CCND3: variants seen among roughly 807,000 people sequenced by gnomAD.
CCND3 encodes the protein cyclin D3, also known as G1/S-specific cyclin-D3.
In CCND3, 9 loss-of-function variants were observed where a neutral mutation model predicts 28.7. That is an observed-to-expected ratio of 0.31 (90% confidence interval 0.19 to 0.55). CCND3 has a LOEUF of 0.55. Ranked by LOEUF, CCND3 falls within the 20% of genes least tolerant of loss-of-function variation. CCND3 has a pLI of 0.93. For synonymous variants in CCND3, 164 were observed against 163.9 expected, an observed-to-expected ratio of 1.00 and a Z score of 0.00; for missense variants, 315 against 385.8, an observed-to-expected ratio of 0.82 and a Z score of 1.54.
chr6:41,937,168 G>T, intron 3 of CCND3, 67 bp downstream of exon 3: 1 of 1,540,738 alleles, frequency 6.5e-7, no homozygotes, highest in South Asian at 1.1e-5. Context: ...AGAATCTTCA[G>T]TTACCTCTCA....
At chr6:42,044,622 A>G (rs1319797460) in intron 1 of CCND3, among the ~76,000 whole-genome samples, 1 of 152,136 alleles carries the variant, frequency 6.6e-6, no homozygotes, top group African/African-American at 2.4e-5. Flanking sequence ...CTAACCCCCT[A>G]CTTCAAGGTT....
chr6:42,038,987 G>A (rs1764299850), intron 1 of CCND3, among the ~76,000 whole-genome samples: 1 of 152,162 alleles, frequency 6.6e-6, no homozygotes, highest in Non-Finnish European at 1.5e-5. Flanking sequence ...TCCTAAATGT[G>A]CATATTTAAC....
At chr6:42,043,941 G>C (rs563732312) in intron 1 of CCND3, among the ~76,000 whole-genome samples, 4 of 152,224 alleles carry the variant, frequency 2.6e-5, no homozygotes, top group Non-Finnish European at 5.9e-5. Flanking sequence ...TAGTTTCAGA[G>C]AGGTGGGGCT....
At position 41,941,524 on chromosome 6, in the gene CCND3, G is replaced by A. The variant is rs1776020195; in HGVS notation, c.126C>T (p.Ala42=). The A allele has an allele frequency of 6.2e-7, 1 of 1,606,040 alleles. No individual in the cohort carries two copies. The highest frequency in any genetic ancestry group is 8.5e-7 in the Non-Finnish European group (1 of 1,178,140). Residue 42 remains alanine (A), a synonymous_variant, in exon 1 of 5, where the codon GCC becomes GCT. Transcript: ENST00000372991. The surrounding 1 kb of genome is among the most constrained non-coding windows in gnomAD (Gnocchi z 6.1). ...CCCGCTGCACGCACTGGAAGTAGGA[G>A]GCGCGGGGTACGTAGCGCTCCTCCA... ...LRLEERYVPR[A]SYFQCVQREI... is the part of the protein sequence containing the mutation.
intron 1 of CCND3, among the ~76,000 whole-genome samples, chr6:41,987,955 C>A (rs1762535753): frequency 6.6e-6 from 1 of 151,890 alleles, no homozygotes; most frequent in Non-Finnish European, 1.5e-5. Context: ...CTGCAAACTC[C>A]TCTAGTGCCT....
chr6:41,950,891 G>C (rs1470855317), intron 1 of CCND3, among the ~76,000 whole-genome samples: 1 of 151,806 alleles, frequency 6.6e-6, no homozygotes, highest in Non-Finnish European at 1.5e-5. Context: ...TGTATTTTTA[G>C]TAGAGTTGGG....
rs144647969 is a variant in CCND3, at chr6:41,939,625, C to T, written c.414+745G>A. Among the ~76,000 whole-genome samples the T allele has an allele frequency of 1.1e-4, 16 of 152,178 alleles. No individual in the cohort carries two copies. The highest frequency in any genetic ancestry group is 3.9e-4 in the African/African-American group (16 of 41,520). On this transcript the variant is annotated intron_variant, in intron 2 of 4. Coordinates refer to ENST00000372991, the MANE Select transcript of CCND3 (RefSeq NM_001760.5). This position sits in a 1 kb window ranked among gnomAD's most constrained non-coding sequence, Gnocchi z 4.2. ...TATGAAAGACCTTGGTCAGAGAGGG[C>T]GGGCCAGGGGAGGGGGCACCATTAT...
intron 1 of CCND3, among the ~76,000 whole-genome samples, chr6:42,040,192 T>C (rs891298987): frequency 6.6e-6 from 1 of 151,668 alleles, no homozygotes; most frequent in Non-Finnish European, 1.5e-5. Context: ...CTGAGGCGGG[T>C]GGATCACCTG....
At chr6:41,985,553 A>T (rs1246203005) in intron 1 of CCND3, among the ~76,000 whole-genome samples, 1 of 150,834 alleles carries the variant, frequency 6.6e-6, no homozygotes, top group Non-Finnish European at 1.5e-5. Flanking sequence ...GACCTTAGGT[A>T]ATCCACCCGC....
rs754812408 is a variant in CCND3 at position 42,048,591 on chromosome 6, T to C, written c.-136A>G. 1.9e-6 allele frequency: 1 copy of C among 514,184 alleles called. No homozygotes were observed. 31.9% of individuals were successfully genotyped at this position (514,184 alleles called of 1,614,324 possible). A position where few individuals can be genotyped will look rare whatever the true frequency, so the allele number is the denominator to read the frequency against. ...GGAGCCTGCCTTTGGGGAGTGGGGG[T>C]GGTCGCAACCACCAGCCGCGAGGAG... On this transcript the variant is annotated 5_prime_UTR_variant, in exon 1 of 5. Coordinates refer to the CCND3 transcript ENST00000372988. The surrounding 1 kb of genome is among the most constrained non-coding windows in gnomAD (Gnocchi z 4.7).
intron 1 of CCND3, 69 bp from the exon 2 acceptor site, chr6:41,940,654 G>T: frequency 9.0e-7 from 1 of 1,113,294 alleles, no homozygotes; most frequent in Non-Finnish European, 1.4e-6. Context: ...GGGTGGGAGC[G>T]CTGAAGTGAG....
At chr6:41,941,919 T>G, upstream of CCND3, 6 of 187,040 alleles carry the variant, frequency 3.2e-5, no homozygotes, top group Non-Finnish European at 5.5e-5. The surrounding 1 kb of genome is among the most constrained non-coding windows in gnomAD (Gnocchi z 6.1). Flanking sequence ...CTGAGCGCTC[T>G]CCCCTCCCTC....
upstream of CCND3, chr6:42,048,995 G>A: frequency 5.1e-6 from 1 of 195,868 alleles, no homozygotes; most frequent in Non-Finnish European, 1.0e-5. This position sits in a 1 kb window ranked among gnomAD's most constrained non-coding sequence, Gnocchi z 4.7. Flanking sequence ...TCCTCCACGT[G>A]CTATCCAGGA....
chr6:42,023,365 T>C (rs1370880072), intron 1 of CCND3, among the ~76,000 whole-genome samples: 1 of 152,218 alleles, frequency 6.6e-6, no homozygotes, highest in Admixed American at 6.5e-5. Context: ...ATCAGGTTTG[T>C]TTGGGCATGA....
At chr6:42,036,000 G>T (rs115195806) in intron 1 of CCND3, among the ~76,000 whole-genome samples, 6,038 of 147,462 alleles carry the variant, frequency 0.041, 128 homozygotes, top group African/African-American at 0.054. Flanking sequence ...ATTATTTTGG[G>T]TTTTTTTTGA....
intron 1 of CCND3, among the ~76,000 whole-genome samples, chr6:42,047,840 C>A (rs1245843402): frequency 6.6e-6 from 1 of 152,184 alleles, no homozygotes; most frequent in Admixed American, 6.5e-5. Context: ...CTCTCTGAAG[C>A]CTTCCCAGCC....
At chr6:41,969,052 C>A (rs1761964512) in intron 1 of CCND3, among the ~76,000 whole-genome samples, 1 of 151,964 alleles carries the variant, frequency 6.6e-6, no homozygotes, top group African/African-American at 2.4e-5. Flanking sequence ...CGCCTCGGCC[C>A]CTCAAAGTGC....
chr6:41,997,668 G>A (rs1289413395), intron 1 of CCND3, among the ~76,000 whole-genome samples: 3 of 152,008 alleles, frequency 2.0e-5, no homozygotes, highest in African/African-American at 7.2e-5. Context: ...AAGATAAGAG[G>A]ATCACTTGAG....
At chr6:41,974,895 C>T (rs534793417) in intron 1 of CCND3, among the ~76,000 whole-genome samples, 40 of 147,490 alleles carry the variant, frequency 2.7e-4, no homozygotes, top group African/African-American at 8.8e-4. Flanking sequence ...CAGGTTCAAG[C>T]GATTCTCCTG....
Sources: gnomAD v4.1 joint callset for allele counts (sites outside exome capture counted in the v4.1 genomes callset) on GRCh38, gnomAD v4.1.1 for gene constraint, Gnocchi (gnomAD v3.1) non-coding constraint, MANE v1.5 for transcripts, NCBI Gene and HGNC (gene_info 2026-07-23, HGNC 2026-07-21) for gene names.